COLEC12: variants seen among roughly 807,000 people sequenced by gnomAD.
COLEC12 encodes collectin-12.
A neutral mutation model predicts 71.1 loss-of-function variants in COLEC12; 33 were observed. That is an observed-to-expected ratio of 0.46 (90% CI 0.35 to 0.62). The LOEUF (loss-of-function observed/expected upper bound fraction) is 0.62, where lower values mean the gene tolerates loss of function less well. Ranked by LOEUF, COLEC12 falls within the 20% of genes least tolerant of loss-of-function variation. The pLI is 0.00. For synonymous variants in COLEC12, 350 were observed against 353.0 expected, an observed-to-expected ratio of 0.99 and a Z score of 0.10; for missense variants, 765 against 916.1, an observed-to-expected ratio of 0.84 and a Z score of 2.13.
intron 2 of COLEC12, among the ~76,000 whole-genome samples, chr18:405,352 T>C (rs1032428239): frequency 2.6e-5 from 4 of 152,160 alleles, no homozygotes; most frequent in African/African-American, 7.2e-5. Flanking sequence ...TTTTTGCCCT[T>C]TGAAGCGTGT....
At chr18:332,577 C>T (rs1261643788) in intron 7 of COLEC12, among the ~76,000 whole-genome samples, 2 of 152,176 alleles carry the variant, frequency 1.3e-5, no homozygotes, top group African/African-American at 4.8e-5. Context: ...AATGAGTGGA[C>T]ACTAGCATTA....
At chr18:371,427 C>T (rs976664576) in intron 2 of COLEC12, among the ~76,000 whole-genome samples, 8 of 152,076 alleles carry the variant, frequency 5.3e-5, no homozygotes, top group Admixed American at 4.6e-4. Context: ...CCAGACACGC[C>T]GCAACTGGGC....
chr18:401,931 G>A (rs1355970332), intron 2 of COLEC12, among the ~76,000 whole-genome samples: 1 of 152,118 alleles, frequency 6.6e-6, no homozygotes, highest in Admixed American at 6.5e-5. Context: ...GTTGACATGT[G>A]GGTCCAACAA....
intron 2 of COLEC12, among the ~76,000 whole-genome samples, chr18:412,009 T>C (rs1915901802): frequency 6.6e-6 from 1 of 152,066 alleles, no homozygotes. Context: ...ATAAGTGTCC[T>C]AGAAGGAGAG....
intron 2 of COLEC12, among the ~76,000 whole-genome samples, chr18:458,613 T>A (rs1177452852): frequency 6.6e-6 from 1 of 152,256 alleles, no homozygotes; most frequent in Non-Finnish European, 1.5e-5. Flanking sequence ...GACCCCCTGA[T>A]GGGGTAGCTT....
At chr18:443,129 T>C (rs1051799139) in intron 2 of COLEC12, among the ~76,000 whole-genome samples, 9 of 152,256 alleles carry the variant, frequency 5.9e-5, no homozygotes, top group African/African-American at 2.2e-4. Context: ...TACGGAATTA[T>C]ATGGTACATG....
At chr18:347,426 GTA>G (rs1914410375) in intron 4 of COLEC12, 85 bp from the exon 5 acceptor site, 1 of 1,086,970 alleles carries the variant, frequency 9.2e-7, no homozygotes, top group Non-Finnish European at 1.4e-6. Context: ...CACTTAATCG[GTA>G]TGCACTGTAT....
intron 2 of COLEC12, among the ~76,000 whole-genome samples, chr18:414,506 G>A (rs1915951466): frequency 6.6e-6 from 1 of 152,142 alleles, no homozygotes; most frequent in South Asian, 2.1e-4. Flanking sequence ...GCTGAGGCAG[G>A]AGAATCACTT....
At chr18:463,175 GCCC>G (rs1472690325) in intron 2 of COLEC12, among the ~76,000 whole-genome samples, 1 of 152,130 alleles carries the variant, frequency 6.6e-6, no homozygotes, top group African/African-American at 2.4e-5. Context: ...TTCAGCATCA[GCCC>G]CTCTAGAAAG....
intron 8 of COLEC12, among the ~76,000 whole-genome samples, chr18:330,637 G>A (rs1055032849): frequency 6.6e-6 from 1 of 152,118 alleles, no homozygotes; most frequent in African/African-American, 2.4e-5. Context: ...AGATCTTTGG[G>A]TAGAATTAGG....
intron 1 of COLEC12, among the ~76,000 whole-genome samples, chr18:497,334 T>C (rs1244187509): frequency 1.3e-5 from 2 of 152,176 alleles, no homozygotes; most frequent in African/African-American, 4.8e-5. Context: ...CAAATGAACT[T>C]CTTTAACTTC....
chr18:431,837 G>A (rs994079530), intron 2 of COLEC12, among the ~76,000 whole-genome samples: 2 of 152,168 alleles, frequency 1.3e-5, no homozygotes, highest in Admixed American at 1.3e-4. Context: ...AATAATAAGT[G>A]TAGCCACTTA....
At chr18:414,529 C>T (rs1598355876) in intron 2 of COLEC12, among the ~76,000 whole-genome samples, 1 of 152,118 alleles carries the variant, frequency 6.6e-6, no homozygotes, top group African/African-American at 2.4e-5. Flanking sequence ...ACCCGGGAGG[C>T]GGAGGTTGCA....
intron 1 of COLEC12, among the ~76,000 whole-genome samples, chr18:483,822 C>T (rs117998679): frequency 1.3e-5 from 2 of 152,320 alleles, no homozygotes; most frequent in East Asian, 1.9e-4. Context: ...GATATCCATT[C>T]GTTTGTTTTT....
intron 1 of COLEC12, among the ~76,000 whole-genome samples, chr18:497,883 CT>C (rs1200997629): frequency 1.3e-5 from 2 of 152,230 alleles, no homozygotes; most frequent in African/African-American, 2.4e-5. Context: ...GTAAAAGCAG[CT>C]TTCCGTTTTT....
rs1913629603 is a variant in COLEC12 at position 319,323 on chromosome 18, A to T, written c.*722T>A. Reference sequence around the variant, plus strand: ...GTTCCTCTGAGGAAATGAAACATTAAAAAAAAAAAAAAAAAAAAATATATA... The same window carrying T: ...GTTCCTCTGAGGAAATGAAACATTATAAAAAAAAAAAAAAAAAAATATATA... On this transcript the variant is annotated 3_prime_UTR_variant, in exon 10 of 10. Coordinates refer to ENST00000400256, the MANE Select transcript of COLEC12 (RefSeq NM_130386.3). The T allele has an allele frequency of 3.7e-4, 1 of 2,690 alleles. No homozygotes were observed. Among genetic ancestry groups the T allele is most frequent in the African/African-American group, 7.4e-4 (1 of 1,346 alleles). The allele number at this position is 2,690 out of a possible 1,614,324, so 0.2% of individuals were successfully genotyped here. A position where few individuals can be genotyped will look rare whatever the true frequency, so the allele number is the denominator to read the frequency against.
intron 3 of COLEC12, among the ~76,000 whole-genome samples, chr18:350,536 AT>A (rs1238012214): frequency 2.0e-5 from 3 of 152,200 alleles, no homozygotes; most frequent in Non-Finnish European, 2.9e-5. Flanking sequence ...AAAATGTTAA[AT>A]AAGAGGATGT....
intron 2 of COLEC12, among the ~76,000 whole-genome samples, chr18:407,916 G>A (rs540867334): frequency 1.3e-3 from 200 of 152,326 alleles, no homozygotes; most frequent in South Asian, 3.9e-3. Context: ...TCTGGGGAGT[G>A]GGGCCTGACA....
At chr18:375,357 A>T (rs1161723256) in intron 2 of COLEC12, among the ~76,000 whole-genome samples, 1 of 152,176 alleles carries the variant, frequency 6.6e-6, no homozygotes, top group Non-Finnish European at 1.5e-5. Flanking sequence ...TCCTGTGGGT[A>T]CCCTCATGGC....
Sources: allele counts gnomAD v4.1 joint callset (sites outside exome capture counted in the v4.1 genomes callset), GRCh38; gene constraint gnomAD v4.1.1; transcripts MANE v1.5; gene names NCBI Gene and HGNC (gene_info 2026-07-23, HGNC 2026-07-21).